Variants in MEGF11 observed in about 807,000 individuals in gnomAD.
MEGF11 encodes multiple EGF like domains 11.
In MEGF11, 126 loss-of-function variants were observed where a neutral mutation model predicts 146.6. That is an observed-to-expected ratio of 0.86 (90% CI 0.74 to 1.00). The LOEUF is 1.00. MEGF11 is among the 50% of genes least tolerant of loss of function. MEGF11 has a pLI of 0.00. For missense variants in MEGF11, 1,509 were observed against 1,521.2 expected, an observed-to-expected ratio of 0.99 and a Z score of 0.13; for synonymous variants, 532 against 583.4, an observed-to-expected ratio of 0.91 and a Z score of 1.27.
chr15:66,009,185 G>A (rs1451809928), intron 5 of MEGF11, among the ~76,000 whole-genome samples: 2 of 151,472 alleles, frequency 1.3e-5, no homozygotes, highest in Non-Finnish European at 2.9e-5. Context: ...TAGCTGGAAC[G>A]ATCTTCAGAA....
Position 65,922,461 on chromosome 15 carries a change from CA to C in MEGF11, c.1833del (p.Phe613SerfsTer187), listed in dbSNP as rs2079206452. On this transcript the variant is annotated frameshift_variant, in exon 15 of 26. Transcript: ENST00000395614. LOFTEE classifies it high-confidence loss of function. ...TGGGCGCAGCCGTGGCCATAGAACCCAGGGGGGCAGACTGAGGGTGAAGGGA... is the reference window on the plus strand; with the variant it reads ...TGGGCGCAGCCGTGGCCATAGAACCCGGGGGGCAGACTGAGGGTGAAGGGA... ...RGPLCQRICP[P>X]GFYGHGCAQP... 1 of 1,573,952 alleles carries C rather than the reference CA, an allele frequency of 6.4e-7. No homozygotes were observed. The highest frequency in any genetic ancestry group is 8.6e-7 in the Non-Finnish European group (1 of 1,160,220).
intron 1 of MEGF11, among the ~76,000 whole-genome samples, chr15:66,206,039 A>C (rs1274952438): frequency 6.6e-6 from 1 of 152,268 alleles, no homozygotes; most frequent in East Asian, 1.9e-4. Flanking sequence ...TGTTTCTTTG[A>C]GCACTTATGA....
chr15:66,144,025 G>A (rs1029152578), intron 1 of MEGF11, among the ~76,000 whole-genome samples: 2 of 152,166 alleles, frequency 1.3e-5, no homozygotes, highest in African/African-American at 2.4e-5. Flanking sequence ...CCCCATCAGA[G>A]AGCTCAGGGC....
chr15:65,955,815 A>ACACACACACACAC, intron 10 of MEGF11, among the ~76,000 whole-genome samples: 1 of 2,292 alleles, frequency 4.4e-4, no homozygotes, highest in African/African-American at 4.7e-4. Flanking sequence ...CACACACACA[A>ACACACACACACAC]TACTTTAAAT....
chr15:66,152,377 C>G (rs578196804), intron 1 of MEGF11, among the ~76,000 whole-genome samples: 1 of 152,132 alleles, frequency 6.6e-6, no homozygotes, highest in African/African-American at 2.4e-5. Flanking sequence ...CAGACTCCCC[C>G]CTCCTCCTCA....
intron 5 of MEGF11, among the ~76,000 whole-genome samples, chr15:66,029,022 GT>G (rs1341062451): frequency 6.6e-6 from 1 of 152,198 alleles, no homozygotes; most frequent in Non-Finnish European, 1.5e-5. Context: ...GGGGAGAAGG[GT>G]GATGTTTGGG....
In MEGF11 at chr15:65,896,976, T is replaced by C. The variant is rs2078370070; in HGVS notation, c.*958A>G. Reference sequence around the variant, plus strand: ...GTTTCATACTACGTCAATCTCAAGATTTATGAAGAACTTGAAAGCAAGTAC... The same window carrying C: ...GTTTCATACTACGTCAATCTCAAGACTTATGAAGAACTTGAAAGCAAGTAC... On this transcript the variant is annotated 3_prime_UTR_variant, in exon 26 of 26. Transcript: ENST00000395614. The C allele has an allele frequency of 6.6e-6, 1 of 152,196 alleles. No individual in the cohort carries two copies. Among genetic ancestry groups the C allele is most frequent in the African/African-American group, 2.4e-5 (1 of 41,436 alleles). 9.4% of individuals were successfully genotyped at this position (152,196 alleles called of 1,614,324 possible). A position where few individuals can be genotyped will look rare whatever the true frequency, so the allele number is the denominator to read the frequency against.
chr15:66,167,416 C>A (rs551830364), intron 1 of MEGF11, among the ~76,000 whole-genome samples: 1 of 151,646 alleles, frequency 6.6e-6, no homozygotes, highest in Non-Finnish European at 1.5e-5. Context: ...CCGAGGCGGG[C>A]GGATCACCTG....
chr15:66,088,658 A>G (rs944544099), intron 5 of MEGF11, among the ~76,000 whole-genome samples: 1 of 149,572 alleles, frequency 6.7e-6, no homozygotes, highest in Non-Finnish European at 1.5e-5. Context: ...TCATTCTCAA[A>G]AAAAAAAAAA....
chr15:65,926,395 C>T (rs2079373520), intron 13 of MEGF11, among the ~76,000 whole-genome samples: 1 of 152,212 alleles, frequency 6.6e-6, no homozygotes, highest in South Asian at 2.1e-4. Flanking sequence ...CAGTTTATTT[C>T]AGTAAACATT....
chr15:65,996,789 T>C (rs1237973233), intron 5 of MEGF11, among the ~76,000 whole-genome samples: 1 of 152,200 alleles, frequency 6.6e-6, no homozygotes, highest in East Asian at 1.9e-4. Flanking sequence ...TAGCATACTT[T>C]TGAGCTTCCA....
intron 7 of MEGF11, among the ~76,000 whole-genome samples, chr15:65,976,306 A>G (rs1596941114): frequency 6.6e-6 from 1 of 152,002 alleles, no homozygotes; most frequent in Non-Finnish European, 1.5e-5. Context: ...CTCCCAAAGT[A>G]CTGGGATTAC....
At chr15:66,252,364 G>A (rs1209548517) in intron 1 of MEGF11, among the ~76,000 whole-genome samples, 2 of 152,216 alleles carry the variant, frequency 1.3e-5, no homozygotes, top group Non-Finnish European at 2.9e-5. Flanking sequence ...CATCCCAAAG[G>A]CCTCCTCCAA....
In MEGF11 at chr15:66,176,903, G is replaced by A. The variant is rs531710389; in HGVS notation, c.-8-48492C>T. On this transcript the variant is annotated intron_variant, in intron 1 of 25. Transcript: ENST00000395614. ...AAGCTAACAATCATCTGGCACCTGA[G>A]AGAAGTTCCCCACAGATCTTAAGCT... Among the ~76,000 whole-genome samples, 7 of 152,316 alleles carry A rather than the reference G, an allele frequency of 4.6e-5. No individual in the cohort carries two copies. In the South Asian group the frequency reaches 1.0e-3, roughly 23 times the overall value.
chr15:66,175,171 A>G (rs1378503620), intron 1 of MEGF11, among the ~76,000 whole-genome samples: 1 of 152,140 alleles, frequency 6.6e-6, no homozygotes, highest in African/African-American at 2.4e-5. Context: ...CCTGTTTTCC[A>G]ATTTGGATGC....
Position 66,094,451 on chromosome 15 carries a change from C to A in MEGF11, c.345G>T (p.Pro115=). The A allele has an allele frequency of 6.4e-7, 1 of 1,560,926 alleles. No individual in the cohort carries two copies. ...EECVHGRCVS[P]DTCHCEPGWG... ...AGCCAGGCTCGCAGTGGCAGGTGTC[C>A]GGGGAAACGCAGCGGCCGTGCACAC... The change falls in exon 5 of 26, where the codon CCG becomes CCT. Residue 115 remains proline (P), a synonymous_variant. Coordinates refer to ENST00000395614, the MANE Select transcript of MEGF11 (RefSeq NM_001385028.1).
intron 1 of MEGF11, among the ~76,000 whole-genome samples, chr15:66,241,418 AC>A (rs2092206221): frequency 6.6e-6 from 1 of 152,242 alleles, no homozygotes; most frequent in Non-Finnish European, 1.5e-5. Context: ...ACTACATTTT[AC>A]CTTGAAAACT....
intron 1 of MEGF11, among the ~76,000 whole-genome samples, chr15:66,140,392 A>G (rs1026169264): frequency 6.7e-6 from 1 of 150,284 alleles, no homozygotes; most frequent in South Asian, 2.1e-4. Flanking sequence ...TTATTCCTGG[A>G]GGCAAAATGG....
intron 5 of MEGF11, among the ~76,000 whole-genome samples, chr15:66,069,005 T>C (rs1181162237): frequency 6.6e-6 from 1 of 152,176 alleles, no homozygotes; most frequent in African/African-American, 2.4e-5. Flanking sequence ...GCTTGGTCAC[T>C]GGGTGCTCCT....
Sources: allele counts gnomAD v4.1 joint callset (sites outside exome capture counted in the v4.1 genomes callset), GRCh38; gene constraint gnomAD v4.1.1; transcripts MANE v1.5; gene names NCBI Gene and HGNC (gene_info 2026-07-23, HGNC 2026-07-21).